XRRA1: variants seen among roughly 807,000 people sequenced by gnomAD.
The protein encoded by XRRA1 is X-ray radiation resistance-associated protein 1.
Under a neutral mutation model 80.2 loss-of-function variants are expected in XRRA1, and 69 were observed. That is an observed-to-expected ratio of 0.86 (90% CI 0.71 to 1.05). The LOEUF (loss-of-function observed/expected upper bound fraction) is 1.05, where lower values mean the gene tolerates loss of function less well. XRRA1 is among the 50% of genes least tolerant of loss of function. XRRA1 has a pLI of 0.00. For missense variants in XRRA1, 967 were observed against 976.4 expected (o/e 0.99, Z 0.13); for synonymous variants, 348 against 389.9 (o/e 0.89, Z 1.27).
chr11:74,874,223 G>A (rs2045535182), intron 10 of XRRA1, among the ~76,000 whole-genome samples: 1 of 88,680 alleles, frequency 1.1e-5, no homozygotes, highest in South Asian at 4.2e-4. Flanking sequence ...GTGACAGCAA[G>A]ACTCCGTCTC....
At chr11:74,923,523 C>T (rs928033295) in intron 7 of XRRA1, among the ~76,000 whole-genome samples, 1 of 152,204 alleles carries the variant, frequency 6.6e-6, no homozygotes, top group East Asian at 1.9e-4. Flanking sequence ...CTATCTACCT[C>T]CTTAATATCT....
chr11:74,908,515 A>G (rs1003706633), intron 8 of XRRA1, among the ~76,000 whole-genome samples: 1 of 152,260 alleles, frequency 6.6e-6, no homozygotes, highest in Non-Finnish European at 1.5e-5. Context: ...ACCTGAAGTC[A>G]GGGATATTTC....
chr11:74,843,205 C>G lies in XRRA1; in HGVS notation c.2398G>C (p.Gly800Arg). The change falls in exon 19 of 19, where the codon GGC (glycine) becomes CGC (arginine). Residue 800 changes from glycine (G) to arginine (R), a missense_variant. Gly to Arg is a moderately radical substitution (Grantham distance 125). Coordinates refer to ENST00000684022, the MANE Select transcript of XRRA1 (RefSeq NM_001378157.1). ...CQEPTASDSQ[G>R] is the part of the protein sequence containing the mutation. Reference sequence around the variant, plus strand: ...CACAGCCCCCATGCACAGCTCTAGCCTTGTGAGTCACTGGCTGTGGGCTCC... The same window carrying G: ...CACAGCCCCCATGCACAGCTCTAGCGTTGTGAGTCACTGGCTGTGGGCTCC... 6.4e-7 allele frequency: 1 copy of G among 1,556,364 alleles called. No homozygotes were observed. The highest frequency in any genetic ancestry group is 8.7e-7 in the Non-Finnish European group (1 of 1,150,026).
chr11:74,912,379 TC>T (rs1194991938), intron 8 of XRRA1, among the ~76,000 whole-genome samples: 6 of 152,160 alleles, frequency 3.9e-5, no homozygotes, highest in Non-Finnish European at 7.3e-5. Context: ...GCAACACTTT[TC>T]CCCTAGGACT....
At chr11:74,896,600 C>G (rs2052376598) in intron 10 of XRRA1, among the ~76,000 whole-genome samples, 1 of 152,152 alleles carries the variant, frequency 6.6e-6, no homozygotes, top group African/African-American at 2.4e-5. Flanking sequence ...GGAAACTTGC[C>G]AACCTGAAGG....
chr11:74,900,971 A>G (rs940708737), intron 10 of XRRA1, among the ~76,000 whole-genome samples: 1 of 152,230 alleles, frequency 6.6e-6, no homozygotes, highest in Non-Finnish European at 1.5e-5. Context: ...TCAAAGAGAA[A>G]GAAATAAAGG....
intron 10 of XRRA1, among the ~76,000 whole-genome samples, chr11:74,898,824 C>T (rs749430936): frequency 6.6e-6 from 1 of 152,024 alleles, no homozygotes; most frequent in Non-Finnish European, 1.5e-5. Flanking sequence ...ACTTCAACAC[C>T]CCACTTTCAG....
chr11:74,846,276 C>CTA, intron 15 of XRRA1: 1 of 151,966 alleles, frequency 6.6e-6, no homozygotes, highest in Non-Finnish European at 1.5e-5. Flanking sequence ...TATATATGAC[C>CTA]TATAACAAGC....
chr11:74,871,399 C>T (rs76562136), intron 10 of XRRA1, among the ~76,000 whole-genome samples: 3,657 of 152,286 alleles, frequency 0.024, 155 homozygotes, highest in African/African-American at 0.084. Flanking sequence ...GCTTTCTAGC[C>T]ATCTTTAGCC....
chr11:74,885,535 T>C (rs2048819575), intron 10 of XRRA1, among the ~76,000 whole-genome samples: 1 of 152,102 alleles, frequency 6.6e-6, no homozygotes, highest in South Asian at 2.1e-4. Flanking sequence ...ACTGAATCCC[T>C]GAATAGACCA....
At chr11:74,866,265 T>C (rs760429122) in intron 10 of XRRA1, among the ~76,000 whole-genome samples, 11 of 152,148 alleles carry the variant, frequency 7.2e-5, no homozygotes, top group Non-Finnish European at 5.9e-5. Context: ...GTTTTGTGCT[T>C]TTTTTGGAGA....
Position 74,843,443 on chromosome 11 carries a change from C to CA in XRRA1, c.2159dup (p.His721AlafsTer54). 1.9e-6 allele frequency: 3 copies of CA among 1,611,880 alleles called. No individual in the cohort carries two copies. The highest frequency in any genetic ancestry group is 2.5e-6 in the Non-Finnish European group (3 of 1,179,092). ...CCAGCCGCCGTTCTGTCCACTGGTG[C>CA]AGGACAGCACCTGCAGGAAAAGAAG... On this transcript the variant is annotated frameshift_variant, in exon 19 of 19. Coordinates refer to ENST00000684022, the MANE Select transcript of XRRA1 (RefSeq NM_001378157.1). LOFTEE classifies it high-confidence loss of function.
At chr11:74,932,383 C>T (rs1459632379) in intron 5 of XRRA1, among the ~76,000 whole-genome samples, 1 of 152,146 alleles carries the variant, frequency 6.6e-6, no homozygotes, top group Non-Finnish European at 1.5e-5. Flanking sequence ...TTCGCACCCT[C>T]GTGTTTCCCT....
chr11:74,903,912 A>G (rs2054052877), intron 10 of XRRA1, among the ~76,000 whole-genome samples: 1 of 152,192 alleles, frequency 6.6e-6, no homozygotes, highest in African/African-American at 2.4e-5. Context: ...AGATAAAAGT[A>G]GACATTTATA....
At chr11:74,850,552 G>A (rs1161297877) in intron 14 of XRRA1, among the ~76,000 whole-genome samples, 1 of 152,192 alleles carries the variant, frequency 6.6e-6, no homozygotes, top group African/African-American at 2.4e-5. Flanking sequence ...TCAGGAGGGA[G>A]GAGCATTTCA....
intron 10 of XRRA1, among the ~76,000 whole-genome samples, chr11:74,883,485 G>A (rs972932665): frequency 2.0e-5 from 3 of 152,116 alleles, no homozygotes; most frequent in Admixed American, 1.3e-4. Context: ...TGTCGCTCAC[G>A]CTGGGAGCTG....
intron 10 of XRRA1, among the ~76,000 whole-genome samples, chr11:74,887,555 G>C (rs1475540489): frequency 6.6e-6 from 1 of 152,182 alleles, no homozygotes; most frequent in Admixed American, 6.5e-5. Context: ...CATCTCACTG[G>C]GGAGTGTCGG....
At chr11:74,885,119 C>CT (rs2048704888) in intron 10 of XRRA1, among the ~76,000 whole-genome samples, 1 of 152,014 alleles carries the variant, frequency 6.6e-6, no homozygotes, top group African/African-American at 2.4e-5. Context: ...AAAAAATTAG[C>CT]TGGGTATGAT....
At chr11:74,906,200 C>T (rs1378845166) in intron 10 of XRRA1, 39 bp downstream of exon 10, 2 of 1,582,006 alleles carry the variant, frequency 1.3e-6, no homozygotes, top group Non-Finnish European at 1.7e-6. Context: ...GTATTTCCAC[C>T]ATGAGGGTAG....
Sources: allele counts gnomAD v4.1 joint callset (sites outside exome capture counted in the v4.1 genomes callset), GRCh38; gene constraint gnomAD v4.1.1; transcripts MANE v1.5; gene names NCBI Gene and HGNC (gene_info 2026-07-23, HGNC 2026-07-21).